Variants in GPM6B observed in about 807,000 individuals in gnomAD.
GPM6B encodes glycoprotein M6B.
Under a neutral mutation model 27.2 loss-of-function variants are expected in GPM6B, and 4 were observed. That is an observed-to-expected ratio of 0.15 (90% CI 0.07 to 0.34). The LOEUF is 0.34. Ranked by LOEUF, GPM6B falls within the 10% of genes least tolerant of loss-of-function variation. The pLI is 1.00. For missense variants in GPM6B, 183 were observed against 261.9 expected (o/e 0.70, Z 2.08); for synonymous variants, 124 against 103.1 (o/e 1.20, Z -1.23).
chrX:13,842,997 T>C (rs1225391413), intron 1 of GPM6B, among the ~76,000 whole-genome samples: 1 of 111,617 alleles, frequency 9.0e-6, no homozygotes, highest in African/African-American at 3.3e-5. Flanking sequence ...CCCTTTCCAC[T>C]TGTTCAAAAT....
chrX:13,811,280 AT>A (rs1235281554), intron 1 of GPM6B, among the ~76,000 whole-genome samples: 1 of 112,166 alleles, frequency 8.9e-6, no homozygotes, highest in Non-Finnish European at 1.9e-5. Flanking sequence ...TGCCTTGTTT[AT>A]TTTTCCCCAT....
In GPM6B at chrX:13,871,186, G is replaced by T. The variant is rs181524475; in HGVS notation, c.-198+67141C>A. On this transcript the variant is annotated intron_variant, in intron 1 of 6. Transcript: ENST00000398361. Reference sequence around the variant, plus strand: ...AGATCTGGGGGAGAAGGCAGATACAGAGACTCTATTAGGGACTTCAGGCTG... The same window carrying T: ...AGATCTGGGGGAGAAGGCAGATACATAGACTCTATTAGGGACTTCAGGCTG... Among the ~76,000 whole-genome samples the T allele has an allele frequency of 5.1e-4, 57 of 112,419 alleles. No individual in the cohort carries two copies. In the East Asian group the frequency reaches 0.015, roughly 30 times the overall value.
chrX:13,811,883 G>C (rs1416183711), intron 1 of GPM6B, among the ~76,000 whole-genome samples: 2 of 110,905 alleles, frequency 1.8e-5, no homozygotes, highest in Non-Finnish European at 3.8e-5. Flanking sequence ...ATGGCATTTT[G>C]TCTGCTATTT....
chrX:13,826,530 C>A (rs974607342), intron 1 of GPM6B, among the ~76,000 whole-genome samples: 86 of 106,467 alleles, frequency 8.1e-4, no homozygotes, highest in Non-Finnish European at 1.2e-3. Flanking sequence ...CATAGAAAGA[C>A]CCTGCCTCTA....
chrX:13,866,466 A>G (rs1282650930), intron 1 of GPM6B, among the ~76,000 whole-genome samples: 1 of 112,094 alleles, frequency 8.9e-6, no homozygotes, highest in African/African-American at 3.2e-5. Flanking sequence ...TTAACAACAC[A>G]TATTTCAAAA....
intron 1 of GPM6B, among the ~76,000 whole-genome samples, chrX:13,936,164 T>C (rs1475393457): frequency 8.9e-6 from 1 of 112,119 alleles, no homozygotes; most frequent in Non-Finnish European, 1.9e-5. Flanking sequence ...CTGACTTGTA[T>C]ACTTAAACGT....
chrX:13,814,547 A>T (rs1284946640), intron 1 of GPM6B, among the ~76,000 whole-genome samples: 1 of 112,390 alleles, frequency 8.9e-6, no homozygotes, highest in African/African-American at 3.2e-5. Flanking sequence ...TTTCAATGGA[A>T]AAATAATTTT....
chrX:13,820,773 C>A (rs1337968239), upstream of GPM6B, among the ~76,000 whole-genome samples: 1 of 111,628 alleles, frequency 9.0e-6, no homozygotes, highest in African/African-American at 3.3e-5. Flanking sequence ...AAATTGTTGT[C>A]TTATTCTCCA....
In GPM6B at chrX:13,790,497, A is replaced by G. The variant is rs749274280; in HGVS notation, c.182-4689T>C. Among the ~76,000 whole-genome samples, 4 of 111,503 alleles carry G rather than the reference A, an allele frequency of 3.6e-5. No homozygotes were observed. The South Asian group carries it at 1.1e-3, about 32-fold the overall frequency. On this transcript the variant is annotated intron_variant, in intron 2 of 7. Coordinates refer to ENST00000316715, the MANE Select transcript of GPM6B (RefSeq NM_001001995.3). ...CTGGGGTGATTTGTGTGCACATGAA[A>G]ATTTGAGAAGCCCATTTCTAGTCAA...
At chrX:13,809,729 G>A (rs1219473958) in intron 1 of GPM6B, among the ~76,000 whole-genome samples, 1 of 111,002 alleles carries the variant, frequency 9.0e-6, no homozygotes, top group African/African-American at 3.3e-5. Flanking sequence ...CTGAGGTGAG[G>A]AGTTTGATAC....
intron 4 of GPM6B, among the ~76,000 whole-genome samples, chrX:13,781,587 C>T (rs1030115319): frequency 8.1e-5 from 9 of 111,332 alleles, no homozygotes; most frequent in Non-Finnish European, 1.5e-4. Context: ...CCTCTACCCT[C>T]CTCTCCCATG....
chrX:13,798,513 C>T (rs944266150), intron 2 of GPM6B, among the ~76,000 whole-genome samples: 3 of 112,361 alleles, frequency 2.7e-5, no homozygotes, highest in Non-Finnish European at 5.6e-5. Context: ...TATGCAAACA[C>T]ACGTGTATGG....
intron 1 of GPM6B, among the ~76,000 whole-genome samples, chrX:13,811,174 C>T (rs1053981757): frequency 8.9e-6 from 1 of 112,264 alleles, no homozygotes; most frequent in Non-Finnish European, 1.9e-5. Flanking sequence ...GATGAGGTGA[C>T]CAGTGGTGGC....
intron 2 of GPM6B, among the ~76,000 whole-genome samples, chrX:13,794,328 G>C (rs1013334432): frequency 9.0e-6 from 1 of 111,008 alleles, no homozygotes; most frequent in Admixed American, 9.6e-5. Context: ...GGGACTACAG[G>C]AAAACTTTAA....
intron 1 of GPM6B, among the ~76,000 whole-genome samples, chrX:13,886,734 A>AAAAAAAAAAAAAAAAAAAAAAAAC (rs2050140211): frequency 9.7e-6 from 1 of 103,424 alleles, no homozygotes; most frequent in African/African-American, 3.6e-5. Flanking sequence ...AAAAAAAAAA[A>AAAAAAAAAAAAAAAAAAAAAAAAC]AAAAAAAATC....
chrX:13,893,069 G>A (rs1042199933), intron 1 of GPM6B, among the ~76,000 whole-genome samples: 1 of 111,489 alleles, frequency 9.0e-6, no homozygotes, highest in African/African-American at 3.3e-5. Context: ...ACCATTGTTA[G>A]CTTGTGAGCT....
intron 1 of GPM6B, among the ~76,000 whole-genome samples, chrX:13,824,034 T>A (rs2049342814): frequency 8.9e-6 from 1 of 111,996 alleles, no homozygotes; most frequent in Non-Finnish European, 1.9e-5. Context: ...AGGTCGGTAT[T>A]GCTGCTCCTC....
At chrX:13,888,823 A>T (rs1178240191) in intron 1 of GPM6B, among the ~76,000 whole-genome samples, 1 of 112,169 alleles carries the variant, frequency 8.9e-6, no homozygotes, top group Non-Finnish European at 1.9e-5. Flanking sequence ...CTTTCTCTGT[A>T]AACTATTTTT....
Position 13,774,426 on chromosome X carries a change from C to T in GPM6B, c.838-1396G>A, listed in dbSNP as rs1337586037. The T allele has an allele frequency of 3.5e-6, 4 of 1,133,168 alleles. No homozygotes were observed. The African/African-American group carries it at 7.2e-5, about 20-fold the overall frequency. The allele number at this position is 1,133,168 out of a possible 1,213,427, so 93.4% of individuals were successfully genotyped here. On this transcript the variant is annotated intron_variant, in intron 7 of 7. Coordinates refer to ENST00000316715, the MANE Select transcript of GPM6B (RefSeq NM_001001995.3). ...TAATCTACCATGCAAGGTGAGTTTA[C>T]TAAAGCTATTTACAAATTACTGTAA...
Sources: allele counts gnomAD v4.1 joint callset (sites outside exome capture counted in the v4.1 genomes callset), GRCh38; gene constraint gnomAD v4.1.1; transcripts MANE v1.5; gene names NCBI Gene and HGNC (gene_info 2026-07-23, HGNC 2026-07-21).